The following SCIN variants were observed in gnomAD, a reference collection of about 807,000 sequenced individuals.
SCIN encodes adseverin.
In SCIN, 91 loss-of-function variants were observed where a neutral mutation model predicts 91.8. That is an observed-to-expected ratio of 0.99 (90% CI 0.84 to 1.18). The LOEUF is 1.18. SCIN is among the 50% of genes most tolerant of loss of function. The pLI is 0.00. For synonymous variants in SCIN, 367 were observed against 312.6 expected (o/e 1.17, Z -1.84); for missense variants, 1,087 against 863.9 (o/e 1.26, Z -3.24).
At chr7:12,590,033 A>C (rs1416067386) in intron 3 of SCIN, among the ~76,000 whole-genome samples, 1 of 152,144 alleles carries the variant, frequency 6.6e-6, no homozygotes, top group African/African-American at 2.4e-5. Context: ...TGGGGCCAGC[A>C]TGGGATATGG....
At chr7:12,624,613 T>A (rs1339930872) in intron 5 of SCIN, among the ~76,000 whole-genome samples, 1 of 152,218 alleles carries the variant, frequency 6.6e-6, no homozygotes, top group Admixed American at 6.5e-5. Context: ...AAAAGATTAC[T>A]CTAAAATGTA....
rs374614367 is a variant in SCIN at position 12,626,663 on chromosome 7, A to G, written c.1061A>G (p.Asp354Gly). 1.3e-5 allele frequency: 20 copies of G among 1,561,802 alleles called. No homozygotes were observed. In the African/African-American group the frequency reaches 2.4e-4, roughly 19 times the overall value. ...GACTGGAGAGATAAAGATCAGAGTGATGGCTTCGGGAAAGTTTATGTCACA... is the reference window on the plus strand; with the variant it reads ...GACTGGAGAGATAAAGATCAGAGTGGTGGCTTCGGGAAAGTTTATGTCACA... ...FKDWRDKDQS[D>G]GFGKVYVTEK... The change falls in exon 8 of 16, where the codon GAT becomes GGT. Residue 354 changes from aspartate (D) to glycine (G), a missense_variant. Asp to Gly is a moderately conservative substitution (Grantham distance 94). Transcript: ENST00000297029.
chr7:12,641,112 C>A (rs1783849650), intron 11 of SCIN, among the ~76,000 whole-genome samples: 1 of 152,158 alleles, frequency 6.6e-6, no homozygotes, highest in African/African-American at 2.4e-5. Context: ...CCCCAGTCAC[C>A]ATTGAAATCC....
rs776084431 is a variant in SCIN at position 12,570,884 on chromosome 7, C to G, written c.98C>G (p.Pro33Arg). Residue 33 changes from proline (P) to arginine (R), a missense_variant, in exon 1 of 16, where the codon CCC becomes CGC. Coordinates refer to ENST00000297029, the MANE Select transcript of SCIN (RefSeq NM_001112706.3). The stretch of plus-strand genomic sequence containing the variant: ...GAGAAGCTGGAGCTGGTGCCCGTGC[C>G]CCAGAGCGCTCACGGCGACTTCTAC... ...RIEKLELVPV[P>R]QSAHGDFYVG... 6.4e-7 allele frequency: 1 copy of G among 1,551,562 alleles called. No individual in the cohort carries two copies.
intron 15 of SCIN, 89 bp from the exon 16 acceptor site, chr7:12,652,499 A>T: frequency 1.7e-6 from 2 of 1,183,524 alleles, no homozygotes; most frequent in Non-Finnish European, 1.2e-6. Flanking sequence ...AATTTAATTC[A>T]TTACTTTTAT....
rs768558935 is a variant in SCIN, at chr7:12,625,078, G to A, written c.828G>A (p.Met276Ile). Residue 276 changes from methionine to isoleucine, a missense_variant, in exon 6 of 16, where the codon ATG (methionine) becomes ATA (isoleucine). Physicochemically the swap from Met to Ile is conservative, Grantham distance 10. Transcript: ENST00000297029. ...VAEENPFSMA[M>I]LLSEECFILD... is the part of the protein sequence containing the mutation. ...AAGAAAACCCCTTCTCAATGGCAAT[G>A]CTGCTGTCTGAAGAATGCTTTATTT... 13 of 1,603,686 alleles carry A rather than the reference G, an allele frequency of 8.1e-6. No individual in the cohort carries two copies. Among genetic ancestry groups the A allele is most frequent in the African/African-American group, 1.3e-5 (1 of 74,794 alleles).
At chr7:12,574,917 A>G (rs964163542) in intron 1 of SCIN, among the ~76,000 whole-genome samples, 1 of 152,158 alleles carries the variant, frequency 6.6e-6, no homozygotes, top group Admixed American at 6.5e-5. Flanking sequence ...AGGCCTATAG[A>G]TCAATTTGTG....
chr7:12,601,108 C>T (rs771839137), intron 3 of SCIN, among the ~76,000 whole-genome samples: 7 of 152,164 alleles, frequency 4.6e-5, no homozygotes, highest in South Asian at 4.1e-4. Context: ...GATTGCTAGA[C>T]GTAGTCCTTT....
chr7:12,571,684 T>C (rs1487722824), intron 1 of SCIN: 1 of 396,318 alleles, frequency 2.5e-6, no homozygotes, highest in South Asian at 2.0e-5. Context: ...GGGTATTTCA[T>C]ATATTTATGT....
At chr7:12,644,050 G>A in intron 11 of SCIN, 88 bp from the exon 12 acceptor site, 3 of 1,216,700 alleles carry the variant, frequency 2.5e-6, no homozygotes, top group East Asian at 2.5e-5. Context: ...GCGATGTATG[G>A]TTTGCCACAG....
chr7:12,652,949 A>G lies in SCIN; in HGVS notation c.*234A>G. ...GAAACCTCGCCTCTACTAAAAATAC[A>G]AAAAAATTAGCTGCGCGTGGTGGTG... On this transcript the variant is annotated 3_prime_UTR_variant, in exon 16 of 16. Transcript: ENST00000297029. The G allele has an allele frequency of 2.5e-6, 1 of 393,776 alleles. No individual in the cohort carries two copies. The highest frequency in any genetic ancestry group is 7.5e-4 in the Middle Eastern group (1 of 1,330). The allele number at this position is 393,776 out of a possible 1,614,324, so 24.4% of individuals were successfully genotyped here.
intron 3 of SCIN, among the ~76,000 whole-genome samples, chr7:12,583,759 G>C (rs759903080): frequency 6.6e-5 from 10 of 152,112 alleles, no homozygotes; most frequent in Admixed American, 2.0e-4. Context: ...TAGTCAACCT[G>C]TGGGAGTATG....
chr7:12,599,467 G>C (rs1426371409), intron 3 of SCIN, among the ~76,000 whole-genome samples: 1 of 152,040 alleles, frequency 6.6e-6, no homozygotes, highest in Admixed American at 6.6e-5. Flanking sequence ...ATTGTAGATT[G>C]TGCTGCTATA....
At chr7:12,612,611 C>G (rs919005162) in intron 4 of SCIN, among the ~76,000 whole-genome samples, 3 of 152,158 alleles carry the variant, frequency 2.0e-5, no homozygotes, top group African/African-American at 4.8e-5. Context: ...GTTGCTCCAG[C>G]TATTTAGATC....
At chr7:12,626,146 C>T in intron 7 of SCIN, 1 of 345,618 alleles carries the variant, frequency 2.9e-6, no homozygotes, top group Non-Finnish European at 5.2e-6. Context: ...GTTATTATTC[C>T]TTAGAGCAAG....
intron 4 of SCIN, among the ~76,000 whole-genome samples, chr7:12,612,580 G>A (rs138548505): frequency 2.6e-5 from 4 of 152,198 alleles, no homozygotes; most frequent in East Asian, 3.9e-4. Context: ...CCCAAGTTGC[G>A]ACGCTCTCTA....
Position 12,654,930 on chromosome 7 carries a change from A to G in SCIN, c.*2215A>G, listed in dbSNP as rs561583720. ...AATTTCTGAATGCATCACGGCAAAG[A>G]TGCATGTACTCATGAAGCATAAAAT... On this transcript the variant is annotated 3_prime_UTR_variant, in exon 16 of 16. Coordinates refer to ENST00000297029, the MANE Select transcript of SCIN (RefSeq NM_001112706.3). The G allele has an allele frequency of 1.3e-5, 2 of 152,210 alleles. No homozygotes were observed. Among genetic ancestry groups the G allele is most frequent in the Non-Finnish European group, 2.9e-5 (2 of 68,018 alleles). 9.4% of individuals were successfully genotyped at this position (152,210 alleles called of 1,614,324 possible).
intron 11 of SCIN, among the ~76,000 whole-genome samples, chr7:12,643,585 T>C (rs1783897448): frequency 6.6e-6 from 1 of 152,180 alleles, no homozygotes. Flanking sequence ...CCACCTCTAG[T>C]GTTCTCTCCT....
At chr7:12,628,120 T>C (rs1783568769) in intron 8 of SCIN, among the ~76,000 whole-genome samples, 1 of 151,972 alleles carries the variant, frequency 6.6e-6, no homozygotes, top group Non-Finnish European at 1.5e-5. Context: ...TTTGTTACTC[T>C]CCTGTTTCAT....
Sources: allele counts gnomAD v4.1 joint callset (sites outside exome capture counted in the v4.1 genomes callset), GRCh38; gene constraint gnomAD v4.1.1; transcripts MANE v1.5; gene names NCBI Gene and HGNC (gene_info 2026-07-23, HGNC 2026-07-21).